Variants in GRK7 observed in about 807,000 individuals in gnomAD.
The protein encoded by GRK7 is rhodopsin kinase GRK7.
Under a neutral mutation model 34.1 loss-of-function variants are expected in GRK7, and 24 were observed. The observed-to-expected ratio is 0.70, with a 90% CI of 0.51 to 0.99. The LOEUF (loss-of-function observed/expected upper bound fraction) is 0.99. Ranked by LOEUF, GRK7 falls within the 50% of genes least tolerant of loss-of-function variation. The pLI, the probability that GRK7 is intolerant of heterozygous loss-of-function variation, is 0.00. For missense variants in GRK7, 644 were observed against 707.3 expected, an observed-to-expected ratio of 0.91 and a Z score of 1.02; for synonymous variants, 256 against 279.4, an observed-to-expected ratio of 0.92 and a Z score of 0.84.
intron 4 of GRK7, among the ~76,000 whole-genome samples, chr3:141,792,297 G>T (rs552274857): frequency 6.6e-6 from 1 of 151,792 alleles, no homozygotes; most frequent in African/African-American, 2.4e-5. Context: ...CCAGCTACTC[G>T]GGAGGCTGAG....
At chr3:141,814,172 T>C (rs966831912) in intron 5 of GRK7, among the ~76,000 whole-genome samples, 3 of 152,200 alleles carry the variant, frequency 2.0e-5, no homozygotes, top group Non-Finnish European at 2.9e-5. Context: ...TAATTTCTAA[T>C]TGAGGTTGAC....
chr3:141,755,516 T>C, the GRK7 span, among the ~76,000 whole-genome samples: 2 of 152,218 alleles, frequency 1.3e-5, no homozygotes, highest in African/African-American at 2.4e-5. Flanking sequence ...GAGGTGGATA[T>C]TGGGCAAAAG....
intron 4 of GRK7, among the ~76,000 whole-genome samples, chr3:141,790,336 TAGTA>T (rs1464773073): frequency 1.3e-5 from 2 of 152,094 alleles, no homozygotes; most frequent in African/African-American, 4.8e-5. Context: ...GCTTTTCACT[TAGTA>T]AGACTCAGAC....
At chr3:141,756,329 T>TGG in the GRK7 span, among the ~76,000 whole-genome samples, 1 of 148,914 alleles carries the variant, frequency 6.7e-6, no homozygotes, top group Non-Finnish European at 1.5e-5. Flanking sequence ...AAAAAAAAGG[T>TGG]GGGGGGGTGA....
At chr3:141,752,728 G>T in the GRK7 span, among the ~76,000 whole-genome samples, 1 of 152,114 alleles carries the variant, frequency 6.6e-6, no homozygotes, top group South Asian at 2.1e-4. Context: ...GCACCAAGAG[G>T]TTACATAACC....
At chr3:141,756,163 T>A in the GRK7 span, among the ~76,000 whole-genome samples, 2 of 151,908 alleles carry the variant, frequency 1.3e-5, no homozygotes, top group Admixed American at 6.6e-5. Context: ...AATACAAAAA[T>A]TAGCCAGGTG....
At chr3:141,788,625 G>C (rs2084708030) in intron 4 of GRK7, among the ~76,000 whole-genome samples, 1 of 152,186 alleles carries the variant, frequency 6.6e-6, no homozygotes, top group Non-Finnish European at 1.5e-5. Context: ...GGATGGAAAG[G>C]AGCAGGTCTG....
chr3:141,811,140 C>T (rs556258641), intron 5 of GRK7, among the ~76,000 whole-genome samples: 150 of 152,044 alleles, frequency 9.9e-4, no homozygotes, highest in African/African-American at 3.5e-3. Flanking sequence ...CATGATGAAA[C>T]CCCCTCTCTA....
chr3:141,772,650 A>G (rs1000480463), intron 1 of GRK7, among the ~76,000 whole-genome samples: 1 of 152,248 alleles, frequency 6.6e-6, no homozygotes, highest in Non-Finnish European at 1.5e-5. Context: ...AAACTTTAAA[A>G]TTGAGAACAT....
chr3:141,778,339 G>A lies in GRK7; in HGVS notation c.55G>A (p.Ala19Thr). 1 of 1,605,282 alleles carries A rather than the reference G, an allele frequency of 6.2e-7. No individual in the cohort carries two copies. Among genetic ancestry groups the A allele is most frequent in the South Asian group, 1.1e-5 (1 of 90,608 alleles). Residue 19 changes from alanine to threonine, a missense_variant, in exon 3 of 6, where the codon GCC becomes ACC. Ala to Thr is a moderately conservative substitution (Grantham distance 58, BLOSUM62 0). Transcript: ENST00000682958. The surrounding 1 kb of genome is among the most constrained non-coding windows in gnomAD (Gnocchi z 4.1). The stretch of plus-strand genomic sequence containing the variant: ...GATCGCCAACACCGCCTACCTGCAG[G>A]CCCGGAAGCCCTCGGACTGCGACAG... ...NLIANTAYLQ[A>T]RKPSDCDSKE...
At chr3:141,754,504 T>A in the GRK7 span, among the ~76,000 whole-genome samples, 1 of 148,728 alleles carries the variant, frequency 6.7e-6, no homozygotes, top group Admixed American at 6.8e-5. Context: ...GTGCAATCTC[T>A]GCTCACTGCA....
At chr3:141,805,032 A>G (rs2107892466) in intron 4 of GRK7, among the ~76,000 whole-genome samples, 1 of 147,194 alleles carries the variant, frequency 6.8e-6, no homozygotes, top group Middle Eastern at 3.4e-3. Flanking sequence ...ACACACGCAT[A>G]CACCCACTCA....
At position 141,788,716 on chromosome 3, in the gene GRK7, C is replaced by T. The variant is rs537822952; in HGVS notation, c.1050+7905C>T. Among the ~76,000 whole-genome samples the T allele has an allele frequency of 9.8e-5, 15 of 152,322 alleles. 1 individual carries two copies. The highest frequency in any genetic ancestry group is 3.6e-4 in the African/African-American group (15 of 41,576). ...TTGGCCTGGGAGGCTGAAACCTGAG[C>T]TCTTGTCCCAGCTTCATCACTCATT... On this transcript the variant is annotated intron_variant, in intron 4 of 5. Coordinates refer to ENST00000682958, the MANE Select transcript of GRK7 (RefSeq NM_139209.3).
intron 5 of GRK7, among the ~76,000 whole-genome samples, chr3:141,813,956 A>C (rs1486518958): frequency 6.6e-6 from 1 of 152,146 alleles, no homozygotes; most frequent in Non-Finnish European, 1.5e-5. Context: ...GCCCTGAATA[A>C]ATGTCAGTTA....
At chr3:141,782,182 A>G (rs1464760035) in intron 4 of GRK7, among the ~76,000 whole-genome samples, 1 of 152,190 alleles carries the variant, frequency 6.6e-6, no homozygotes, top group Non-Finnish European at 1.5e-5. Context: ...TGCGGCAACA[A>G]TTTGGAAGTT....
At chr3:141,800,739 ACTAAT>A (rs1422538338) in intron 4 of GRK7, among the ~76,000 whole-genome samples, 1 of 152,232 alleles carries the variant, frequency 6.6e-6, no homozygotes, top group East Asian at 1.9e-4. Flanking sequence ...GACAGACAAA[ACTAAT>A]CTATAGTAAC....
chr3:141,807,878 G>A lies in GRK7; in HGVS notation c.1284G>A (p.Arg428=). ...NFTEEAKDIC[R]LFLAKKPEQR... Reference sequence around the variant, plus strand: ...CAGAGGAAGCAAAAGATATTTGCAGGCTCTTCTTGGCTAAGAAACCAGAGC... The same window carrying A: ...CAGAGGAAGCAAAAGATATTTGCAGACTCTTCTTGGCTAAGAAACCAGAGC... Residue 428 remains arginine (R), a synonymous_variant, in exon 5 of 6, where the codon AGG becomes AGA. Transcript: ENST00000682958. 1.2e-6 allele frequency: 2 copies of A among 1,606,026 alleles called. No homozygotes were observed. The highest frequency in any genetic ancestry group is 1.7e-6 in the Non-Finnish European group (2 of 1,175,218).
the GRK7 span, among the ~76,000 whole-genome samples, chr3:141,750,640 G>A: frequency 6.6e-6 from 1 of 152,016 alleles, no homozygotes; most frequent in Non-Finnish European, 1.5e-5. Context: ...CTTAATTATA[G>A]AATTGCTTTT....
Position 141,807,906 on chromosome 3 carries a change from C to A in GRK7, c.1312C>A (p.Arg438Ser). 5 of 1,588,298 alleles carry A rather than the reference C, an allele frequency of 3.1e-6. No homozygotes were observed. The highest frequency in any genetic ancestry group is 1.7e-5 in the Admixed American group (1 of 57,492). ...CTTCTTGGCTAAGAAACCAGAGCAA[C>A]GCTTAGGAAGCAGGTAAACTAGCAT... The part of the protein sequence containing the change: ...RLFLAKKPEQ[R>S]LGSREKSDDP... The change falls in exon 5 of 6, where the codon CGC (arginine) becomes AGC (serine). Residue 438 changes from arginine (R) to serine (S), a missense_variant. Coordinates refer to ENST00000682958, the MANE Select transcript of GRK7 (RefSeq NM_139209.3).
Sources: allele counts gnomAD v4.1 joint callset (sites outside exome capture counted in the v4.1 genomes callset), GRCh38; gene constraint gnomAD v4.1.1; non-coding constraint Gnocchi (gnomAD v3.1); transcripts MANE v1.5; gene names NCBI Gene and HGNC (gene_info 2026-07-23, HGNC 2026-07-21).